EPHA5: variants seen among roughly 807,000 people sequenced by gnomAD.
EPHA5 encodes ephrin type-A receptor 5.
EPHA5 carries 60 observed loss-of-function variants against 105.0 expected under a neutral mutation model. That is an observed-to-expected ratio of 0.57 (90% CI 0.46 to 0.71). The LOEUF (loss-of-function observed/expected upper bound fraction) is 0.71, where lower values mean the gene tolerates loss of function less well. Ranked by LOEUF, EPHA5 falls within the 30% of genes least tolerant of loss-of-function variation. The pLI is 0.00. For missense variants in EPHA5, 1,218 were observed against 1,274.7 expected (o/e 0.96, Z 0.68); for synonymous variants, 513 against 449.1 (o/e 1.14, Z -1.80).
chr4:65,366,031 T>C lies in EPHA5; in HGVS notation c.1888A>G (p.Ile630Val). Reference protein sequence around the residue: ...HIKLPGVRTYIDPHTYEDPNQ... With the variant: ...HIKLPGVRTYVDPHTYEDPNQ... The stretch of plus-strand genomic sequence containing the variant: ...GGATCCTCATAGGTATGTGGATCAA[T>C]GTAAGTTCTTACTCCTGGCAGTTTA... The change falls in exon 10 of 17, where the codon ATT (isoleucine) becomes GTT (valine). Residue 630 changes from isoleucine to valine, a missense_variant. Physicochemically the swap from Ile to Val is conservative, Grantham distance 29. Transcript: ENST00000613740. 1.9e-6 allele frequency: 3 copies of C among 1,598,444 alleles called. No individual in the cohort carries two copies. Among genetic ancestry groups the C allele is most frequent in the South Asian group, 1.1e-5 (1 of 89,296 alleles).
At chr4:65,433,262 T>G (rs919938507) in intron 5 of EPHA5, among the ~76,000 whole-genome samples, 1 of 152,184 alleles carries the variant, frequency 6.6e-6, no homozygotes, top group African/African-American at 2.4e-5. Flanking sequence ...AATCTAAACT[T>G]AATTTAGGTA....
At chr4:65,338,921 T>C (rs933324024) in intron 14 of EPHA5, among the ~76,000 whole-genome samples, 8 of 152,112 alleles carry the variant, frequency 5.3e-5, no homozygotes, top group South Asian at 2.1e-4. Context: ...AAATGAGTTA[T>C]AATCTCGATG....
chr4:65,554,489 A>G (rs35664232), intron 3 of EPHA5, among the ~76,000 whole-genome samples: 3 of 151,420 alleles, frequency 2.0e-5, no homozygotes, highest in African/African-American at 7.2e-5. Flanking sequence ...GAGAAATAAG[A>G]CAGTAATTGA....
Position 65,323,961 on chromosome 4 carries a change from A to C in EPHA5, c.*153T>G, listed in dbSNP as rs1719837739. ...GACTAAGAACTGGATACTTCAGTAA[A>C]ACCATGATTACAAATTCTGTGGCTG... On this transcript the variant is annotated 3_prime_UTR_variant, in exon 17 of 17. Transcript: ENST00000613740. 9 of 556,628 alleles carry C rather than the reference A, an allele frequency of 1.6e-5. No individual in the cohort carries two copies. 34.5% of individuals were successfully genotyped at this position (556,628 alleles called of 1,614,324 possible).
At chr4:65,356,744 T>G (rs1451898389) in intron 11 of EPHA5, among the ~76,000 whole-genome samples, 1 of 151,556 alleles carries the variant, frequency 6.6e-6, no homozygotes, top group Non-Finnish European at 1.5e-5. Context: ...CAGGACCCAT[T>G]CGATTATTCT....
At chr4:65,465,541 GGAA>G (rs1728621382) in intron 5 of EPHA5, among the ~76,000 whole-genome samples, 3 of 67,140 alleles carry the variant, frequency 4.5e-5, no homozygotes, top group Non-Finnish European at 8.3e-5. Flanking sequence ...AGAAAGGAAA[GGAA>G]GGAAAGGAAG....
chr4:65,527,231 G>C (rs1041718937), intron 3 of EPHA5, among the ~76,000 whole-genome samples: 1 of 151,904 alleles, frequency 6.6e-6, no homozygotes, highest in Non-Finnish European at 1.5e-5. Flanking sequence ...TTGCAATAGC[G>C]AAAAAATTAG....
chr4:65,488,633 C>T (rs185135085), intron 5 of EPHA5, among the ~76,000 whole-genome samples: 28 of 152,200 alleles, frequency 1.8e-4, no homozygotes, highest in African/African-American at 5.1e-4. Context: ...ATTAGTTTCA[C>T]CTTAGGTTAG....
chr4:65,473,720 C>A (rs1013050305), intron 5 of EPHA5, among the ~76,000 whole-genome samples: 2 of 151,708 alleles, frequency 1.3e-5, no homozygotes, highest in African/African-American at 2.4e-5. Context: ...CAGATCCAAA[C>A]CATATCACTT....
chr4:65,492,098 T>C (rs1157686182), intron 4 of EPHA5, among the ~76,000 whole-genome samples: 1 of 152,172 alleles, frequency 6.6e-6, no homozygotes, highest in East Asian at 1.9e-4. Context: ...AATATCAAAA[T>C]TGACAATTTT....
At chr4:65,494,294 A>G (rs903074144) in intron 4 of EPHA5, among the ~76,000 whole-genome samples, 1 of 152,212 alleles carries the variant, frequency 6.6e-6, no homozygotes. Flanking sequence ...TCAATTTGTG[A>G]TTATTTGATA....
chr4:65,422,090 TCAAA>T (rs1724000118), intron 5 of EPHA5, among the ~76,000 whole-genome samples: 1 of 152,156 alleles, frequency 6.6e-6, no homozygotes, highest in Non-Finnish European at 1.5e-5. Context: ...TATTTCACTT[TCAAA>T]CACTTAGTTA....
chr4:65,559,984 C>T (rs1560697123), intron 3 of EPHA5, among the ~76,000 whole-genome samples: 1 of 152,052 alleles, frequency 6.6e-6, no homozygotes, highest in Admixed American at 6.6e-5. Flanking sequence ...AAGGATATTA[C>T]CTAAATCTGT....
intron 1 of EPHA5, among the ~76,000 whole-genome samples, chr4:65,659,501 C>T (rs1749375164): frequency 6.6e-6 from 1 of 151,958 alleles, no homozygotes; most frequent in South Asian, 2.1e-4. Flanking sequence ...GTATGATGAC[C>T]AGCAGCTGAT....
intron 3 of EPHA5, among the ~76,000 whole-genome samples, chr4:65,518,992 G>T (rs796135947): frequency 3.3e-5 from 5 of 151,992 alleles, no homozygotes; most frequent in African/African-American, 1.2e-4. Context: ...TGATACCAAA[G>T]CCTGGCAGAG....
Position 65,669,967 on chromosome 4 carries a change from T to C in EPHA5, c.-225A>G. 1.7e-6 allele frequency: 1 copy of C among 573,678 alleles called. No homozygotes were observed. Among genetic ancestry groups the C allele is most frequent in the Non-Finnish European group, 2.6e-6 (1 of 387,582 alleles). 35.5% of individuals were successfully genotyped at this position (573,678 alleles called of 1,614,324 possible). On this transcript the variant is annotated 5_prime_UTR_variant, in exon 1 of 17. The change creates a new upstream start codon in the 5' untranslated region. Coordinates refer to ENST00000613740, the MANE Select transcript of EPHA5 (RefSeq NM_001281766.3). ...CCCCCTTTGGTGGGGTTAAATGAAA[T>C]ATTAGTTCTGGTTGCTAGTGCAGAT... is the stretch of plus-strand genomic sequence containing the variant.
intron 3 of EPHA5, among the ~76,000 whole-genome samples, chr4:65,549,668 C>G (rs1447965823): frequency 2.0e-5 from 3 of 151,858 alleles, no homozygotes; most frequent in African/African-American, 7.3e-5. Flanking sequence ...AAAGAAAAGA[C>G]AAAAAATTGA....
At chr4:65,329,695 G>T (rs1210031205) in intron 16 of EPHA5, among the ~76,000 whole-genome samples, 1 of 151,006 alleles carries the variant, frequency 6.6e-6, no homozygotes, top group East Asian at 2.0e-4. Flanking sequence ...TTAATACTTA[G>T]GTATGGGGTA....
intron 3 of EPHA5, among the ~76,000 whole-genome samples, chr4:65,522,415 G>C (rs548354507): frequency 6.6e-6 from 1 of 151,150 alleles, no homozygotes; most frequent in Admixed American, 6.6e-5. Context: ...TACTGGCGAG[G>C]AAAAGAATTT....
Sources: gnomAD v4.1 joint callset for allele counts (sites outside exome capture counted in the v4.1 genomes callset) on GRCh38, gnomAD v4.1.1 for gene constraint, MANE v1.5 for transcripts, NCBI Gene and HGNC (gene_info 2026-07-23, HGNC 2026-07-21) for gene names.